The following SGCZ variants were observed in gnomAD, a reference collection of about 807,000 sequenced individuals.
SGCZ encodes the protein zeta-sarcoglycan.
In SGCZ, 40 loss-of-function variants were observed where a neutral mutation model predicts 41.3. The ratio of observed to expected loss-of-function variants is 0.97; its 90% CI spans 0.75 to 1.26. The LOEUF (loss-of-function observed/expected upper bound fraction) is 1.26. Among genes scored for constraint, SGCZ ranks in the 50% most tolerant of loss-of-function variants. The pLI, the probability that SGCZ is intolerant of heterozygous loss-of-function variation, is 0.00. For missense variants in SGCZ, 552 were observed against 369.8 expected (o/e 1.49, Z -4.04); for synonymous variants, 206 against 137.5 (o/e 1.50, Z -3.49).
In SGCZ at chr8:14,142,523, G is replaced by A. The variant is rs149867576; in HGVS notation, c.547+22057C>T. Among the ~76,000 whole-genome samples the A allele has an allele frequency of 3.6e-4, 55 of 152,202 alleles. 1 individual carries two copies. Among genetic ancestry groups the A allele is most frequent in the Admixed American group, 1.0e-3 (16 of 15,280 alleles). ...TTTATGTATTTCCTTTGCTCTGGAC[G>A]TTGAGTCGTTTTCTGCTCAGTTTGA... On this transcript the variant is annotated intron_variant, in intron 5 of 7. Coordinates refer to ENST00000382080, the MANE Select transcript of SGCZ (RefSeq NM_139167.4).
chr8:14,664,220 T>C (rs1333169318), intron 1 of SGCZ, among the ~76,000 whole-genome samples: 1 of 152,152 alleles, frequency 6.6e-6, no homozygotes, highest in Non-Finnish European at 1.5e-5. Context: ...CATTTTTCCA[T>C]TGCATTGAGC....
At chr8:15,083,147 C>T (rs910172073) in intron 1 of SGCZ, among the ~76,000 whole-genome samples, 1 of 152,074 alleles carries the variant, frequency 6.6e-6, no homozygotes, top group African/African-American at 2.4e-5. Context: ...GACAGATGCC[C>T]AAGGAAATTG....
chr8:14,267,984 A>T (rs573601615), intron 3 of SGCZ, among the ~76,000 whole-genome samples: 1 of 151,802 alleles, frequency 6.6e-6, no homozygotes, highest in African/African-American at 2.4e-5. Context: ...ATAGCATTTC[A>T]AAAGAATTAT....
intron 3 of SGCZ, among the ~76,000 whole-genome samples, chr8:14,301,373 A>C (rs1801180786): frequency 2.4e-5 from 2 of 81,678 alleles, no homozygotes; most frequent in Non-Finnish European, 7.7e-5. Flanking sequence ...TTCAAATCAC[A>C]AAAAAAAACA....
chr8:14,271,527 G>A (rs746898781), intron 3 of SGCZ, among the ~76,000 whole-genome samples: 10 of 152,196 alleles, frequency 6.6e-5, no homozygotes, highest in Non-Finnish European at 1.2e-4. Context: ...CACTGGAGGT[G>A]GGTTCTGGAA....
intron 2 of SGCZ, among the ~76,000 whole-genome samples, chr8:14,458,743 C>T (rs960166851): frequency 1.3e-5 from 2 of 152,104 alleles, no homozygotes; most frequent in African/African-American, 4.8e-5. Context: ...TATTTCCCAG[C>T]TCTGTCTGCT....
At chr8:15,185,424 T>A (rs1382647834) in intron 1 of SGCZ, among the ~76,000 whole-genome samples, 2 of 152,242 alleles carry the variant, frequency 1.3e-5, no homozygotes, top group African/African-American at 4.8e-5. Flanking sequence ...CCATGAAGTT[T>A]TAAGTACTCA....
chr8:14,658,572 C>A (rs1490387629), intron 1 of SGCZ, among the ~76,000 whole-genome samples: 1 of 152,156 alleles, frequency 6.6e-6, no homozygotes, highest in African/African-American at 2.4e-5. Flanking sequence ...GGTTCGCCCA[C>A]TCCTTAATTC....
chr8:14,493,416 G>C (rs1801904176), intron 2 of SGCZ, among the ~76,000 whole-genome samples: 1 of 100,974 alleles, frequency 9.9e-6, no homozygotes, highest in Admixed American at 1.2e-4. Context: ...TGCCAGGCTG[G>C]AGTACAGCGG....
intron 4 of SGCZ, among the ~76,000 whole-genome samples, chr8:14,184,133 T>C (rs1481932885): frequency 6.6e-6 from 1 of 152,154 alleles, no homozygotes; most frequent in Non-Finnish European, 1.5e-5. Flanking sequence ...CAAAGAATCT[T>C]AAAAAATCAT....
chr8:14,361,487 T>A (rs1803509598), intron 2 of SGCZ, among the ~76,000 whole-genome samples: 1 of 152,242 alleles, frequency 6.6e-6, no homozygotes, highest in South Asian at 2.1e-4. Context: ...TTGAAGCTTG[T>A]GTATGCTTCA....
At chr8:14,633,142 C>T (rs947508067) in intron 1 of SGCZ, among the ~76,000 whole-genome samples, 3 of 151,934 alleles carry the variant, frequency 2.0e-5, no homozygotes, top group Non-Finnish European at 4.4e-5. Context: ...AGTTAAAATG[C>T]ATTAGCATGT....
chr8:14,946,870 T>A (rs1331645175), intron 1 of SGCZ, among the ~76,000 whole-genome samples: 1 of 151,848 alleles, frequency 6.6e-6, no homozygotes, highest in African/African-American at 2.4e-5. Flanking sequence ...GAGACGGGGT[T>A]TCACCATATT....
At chr8:15,104,596 T>C (rs1176088658) in intron 1 of SGCZ, among the ~76,000 whole-genome samples, 2 of 152,228 alleles carry the variant, frequency 1.3e-5, no homozygotes, top group Non-Finnish European at 2.9e-5. Flanking sequence ...CTTCCAAAAA[T>C]GTTTATACAC....
chr8:14,944,309 A>G (rs1294585313), intron 1 of SGCZ, among the ~76,000 whole-genome samples: 3 of 152,186 alleles, frequency 2.0e-5, no homozygotes, highest in African/African-American at 7.2e-5. Context: ...GCCAACAGAA[A>G]CATAAATGTG....
intron 1 of SGCZ, among the ~76,000 whole-genome samples, chr8:15,190,059 A>AT (rs1800482281): frequency 6.6e-6 from 1 of 151,962 alleles, no homozygotes; most frequent in African/African-American, 2.4e-5. Context: ...AGCCTACCTG[A>AT]TTTTCTCACC....
chr8:14,185,821 A>T (rs1284383176), intron 4 of SGCZ, among the ~76,000 whole-genome samples: 7 of 152,322 alleles, frequency 4.6e-5, no homozygotes, highest in South Asian at 2.1e-4. Context: ...AAACAAATGA[A>T]ATTGAGCAGA....
At chr8:14,975,081 C>G (rs1181987370) in intron 1 of SGCZ, among the ~76,000 whole-genome samples, 1 of 151,974 alleles carries the variant, frequency 6.6e-6, no homozygotes, top group African/African-American at 2.4e-5. Context: ...CCGAGGCAGG[C>G]AGATCACAAG....
intron 1 of SGCZ, among the ~76,000 whole-genome samples, chr8:14,930,242 C>T (rs529480128): frequency 6.6e-6 from 1 of 152,070 alleles, no homozygotes; most frequent in South Asian, 2.1e-4. Context: ...AAAAAAAGCT[C>T]ATCAGGAATT....
Sources: allele counts gnomAD v4.1 joint callset (sites outside exome capture counted in the v4.1 genomes callset), GRCh38; gene constraint gnomAD v4.1.1; transcripts MANE v1.5; gene names NCBI Gene and HGNC (gene_info 2026-07-23, HGNC 2026-07-21).